The following ARHGEF9 variants were observed in gnomAD, a reference collection of about 807,000 sequenced individuals.
The protein encoded by ARHGEF9 is rho guanine nucleotide exchange factor 9.
A neutral mutation model predicts 41.3 loss-of-function variants in ARHGEF9; 2 were observed. That is an observed-to-expected ratio of 0.05 (90% CI 0.02 to 0.15). The LOEUF (loss-of-function observed/expected upper bound fraction) is 0.15, where lower values mean the gene tolerates loss of function less well. Among genes scored for constraint, ARHGEF9 ranks in the 10% least tolerant of loss-of-function variants. The pLI is 1.00. For missense variants in ARHGEF9, 225 were observed against 424.7 expected (o/e 0.53, Z 4.13); for synonymous variants, 160 against 154.4 (o/e 1.04, Z -0.27).
At chrX:63,745,898 ACT>A (rs2055245832) in intron 1 of ARHGEF9, among the ~76,000 whole-genome samples, 1 of 111,034 alleles carries the variant, frequency 9.0e-6, no homozygotes, top group Non-Finnish European at 1.9e-5. Flanking sequence ...GGAACTTTAG[ACT>A]CTGTCCTCCA....
At chrX:63,710,267 A>G (rs1205280145) in intron 2 of ARHGEF9, among the ~76,000 whole-genome samples, 1 of 98,279 alleles carries the variant, frequency 1.0e-5, no homozygotes, top group African/African-American at 3.9e-5. Context: ...AAATAATTTC[A>G]TTCAATCTTG....
At chrX:63,722,457 A>G (rs1343829137) in intron 2 of ARHGEF9, among the ~76,000 whole-genome samples, 1 of 98,220 alleles carries the variant, frequency 1.0e-5, no homozygotes, top group Non-Finnish European at 2.0e-5. Flanking sequence ...TTGTATAGCC[A>G]GGGTTGAGAA....
chrX:63,732,174 A>G (rs1448217790), intron 1 of ARHGEF9: 1 of 112,006 alleles, frequency 8.9e-6, no homozygotes, highest in African/African-American at 3.3e-5. Flanking sequence ...TCAAAAGTCA[A>G]TAGGGACCTT....
At chrX:63,693,515 G>C (rs782578613) in intron 4 of ARHGEF9, among the ~76,000 whole-genome samples, 38 of 107,414 alleles carry the variant, frequency 3.5e-4, no homozygotes, top group Middle Eastern at 4.4e-3. Context: ...AGGAGGTTGA[G>C]GCAGGAGAAT....
intron 3 of ARHGEF9, among the ~76,000 whole-genome samples, chrX:63,697,700 C>T (rs1343347933): frequency 9.0e-6 from 1 of 111,597 alleles, no homozygotes; most frequent in Non-Finnish European, 1.9e-5. Context: ...GTCTTAATAA[C>T]ATTGACAAAA....
chrX:63,763,618 A>G (rs782400637), intron 1 of ARHGEF9, among the ~76,000 whole-genome samples: 1 of 110,784 alleles, frequency 9.0e-6, no homozygotes, highest in South Asian at 3.8e-4. Flanking sequence ...TGAACAACTT[A>G]TTTAATGTCA....
intron 4 of ARHGEF9, among the ~76,000 whole-genome samples, chrX:63,692,869 T>C (rs2051447981): frequency 8.9e-6 from 1 of 112,204 alleles, no homozygotes; most frequent in Non-Finnish European, 1.9e-5. Context: ...CAATGGAATA[T>C]TATTGAGCTA....
At chrX:63,739,495 G>A (rs1556425282) in intron 1 of ARHGEF9, among the ~76,000 whole-genome samples, 2 of 111,104 alleles carry the variant, frequency 1.8e-5, no homozygotes, top group East Asian at 5.7e-4. Flanking sequence ...GTAACCTCTG[G>A]CAGATTCCTT....
intron 1 of ARHGEF9, among the ~76,000 whole-genome samples, chrX:63,768,175 T>C (rs1556452769): frequency 8.9e-6 from 1 of 111,773 alleles, no homozygotes; most frequent in Non-Finnish European, 1.9e-5. Flanking sequence ...TATACCACTT[T>C]GTATGCCTTT....
chrX:63,736,378 T>C lies in ARHGEF9; in HGVS notation c.31-11667A>G, dbSNP rs782250818. On this transcript the variant is annotated intron_variant, in intron 1 of 9. Coordinates refer to ENST00000671741, the MANE Select transcript of ARHGEF9 (RefSeq NM_001353921.2). ...GAGAAGGGAAGGAAACCAAGGCAGC[T>C]GATAGAGGGATAAAGCATCTAGTAA... 2.0e-4 allele frequency among the ~76,000 whole-genome samples: 22 copies of C among 110,534 alleles called. No homozygotes were observed. The South Asian group carries it at 8.6e-3, about 43-fold the overall frequency.
intron 4 of ARHGEF9, among the ~76,000 whole-genome samples, chrX:63,679,192 G>C (rs1556366317): frequency 9.0e-6 from 1 of 111,388 alleles, no homozygotes. Flanking sequence ...TACATAAAGA[G>C]AGGGGAAGAG....
In ARHGEF9 at chrX:63,635,260, C is replaced by A; in HGVS notation, c.*2768G>T. On this transcript the variant is annotated 3_prime_UTR_variant, in exon 10 of 10. Coordinates refer to ENST00000671741, the MANE Select transcript of ARHGEF9 (RefSeq NM_001353921.2). Reference sequence around the variant, plus strand: ...CTCTCTTGTTGCTGTTCTTATAGATCCATTAGAAATATACACATAGAGAGG... The same window carrying A: ...CTCTCTTGTTGCTGTTCTTATAGATACATTAGAAATATACACATAGAGAGG... The A allele has an allele frequency of 2.5e-6, 1 of 405,281 alleles. No individual in the cohort carries two copies. Among genetic ancestry groups the A allele is most frequent in the South Asian group, 2.8e-5 (1 of 35,612 alleles). The allele number at this position is 405,281 out of a possible 1,213,427, so 33.4% of individuals were successfully genotyped here.
intron 4 of ARHGEF9, among the ~76,000 whole-genome samples, chrX:63,681,904 T>C (rs2147352601): frequency 9.0e-6 from 1 of 110,848 alleles, no homozygotes; most frequent in Non-Finnish European, 1.9e-5. Flanking sequence ...TGAACAATTA[T>C]ATGACAACAA....
chrX:63,770,744 G>A (rs2056191062), intron 1 of ARHGEF9, among the ~76,000 whole-genome samples: 1 of 111,665 alleles, frequency 9.0e-6, no homozygotes, highest in Admixed American at 9.5e-5. Flanking sequence ...ATAATAGTGA[G>A]TGAGTTCTCA....
chrX:63,665,106 C>A (rs1346683157), intron 7 of ARHGEF9, among the ~76,000 whole-genome samples: 2 of 112,331 alleles, frequency 1.8e-5, no homozygotes, highest in Non-Finnish European at 3.8e-5. Flanking sequence ...GTCCCCAATT[C>A]TTCCCAGTTA....
chrX:63,689,058 T>C (rs1408067983), intron 4 of ARHGEF9, among the ~76,000 whole-genome samples: 1 of 110,423 alleles, frequency 9.1e-6, no homozygotes, highest in Non-Finnish European at 1.9e-5. Context: ...AAGATAGTAG[T>C]AAAATAATGG....
chrX:63,729,891 G>C (rs2054181085), intron 1 of ARHGEF9, among the ~76,000 whole-genome samples: 1 of 112,488 alleles, frequency 8.9e-6, no homozygotes, highest in Non-Finnish European at 1.9e-5. Flanking sequence ...TATGCTTAAA[G>C]ACAGAATAGG....
intron 1 of ARHGEF9, among the ~76,000 whole-genome samples, chrX:63,781,104 T>G (rs2056372683): frequency 8.9e-6 from 1 of 112,147 alleles, no homozygotes; most frequent in South Asian, 3.7e-4. Flanking sequence ...ATTTAGTGAG[T>G]GCACATTGTA....
chrX:63,691,201 G>A (rs1326522459), intron 4 of ARHGEF9, among the ~76,000 whole-genome samples: 2 of 111,566 alleles, frequency 1.8e-5, no homozygotes, highest in African/African-American at 6.5e-5. Flanking sequence ...AATTATCCTT[G>A]TTAGCAGATG....
Sources: allele counts gnomAD v4.1 joint callset (sites outside exome capture counted in the v4.1 genomes callset), GRCh38; gene constraint gnomAD v4.1.1; transcripts MANE v1.5; gene names NCBI Gene and HGNC (gene_info 2026-07-23, HGNC 2026-07-21).